SLC2A14: variants seen among roughly 807,000 people sequenced by gnomAD.
SLC2A14 encodes solute carrier family 2, facilitated glucose transporter member 14.
In SLC2A14, 13 loss-of-function variants were observed where a neutral mutation model predicts 43.0. The ratio of observed to expected loss-of-function variants is 0.30; its 90% CI spans 0.20 to 0.48. SLC2A14 has a LOEUF of 0.48. Among genes scored for constraint, SLC2A14 ranks in the 20% least tolerant of loss-of-function variants. SLC2A14 has a pLI of 0.99. For synonymous variants in SLC2A14, 190 were observed against 233.8 expected (o/e 0.81, Z 1.71); for missense variants, 428 against 620.4 (o/e 0.69, Z 3.29).
At chr12:7,830,969 C>G (rs749373856) in intron 4 of SLC2A14, among the ~76,000 whole-genome samples, 4 of 151,726 alleles carry the variant, frequency 2.6e-5, no homozygotes, top group African/African-American at 4.8e-5. Context: ...ACTAAAAATA[C>G]AAAAATTAGC....
chr12:7,867,136 G>A (rs1388980220), intron 2 of SLC2A14, among the ~76,000 whole-genome samples: 1 of 151,904 alleles, frequency 6.6e-6, no homozygotes, highest in African/African-American at 2.4e-5. Context: ...AAAATTAGCC[G>A]GGCGTGGTGG....
intron 2 of SLC2A14, among the ~76,000 whole-genome samples, chr12:7,853,622 CAG>C (rs758944131): frequency 1.8e-4 from 27 of 151,898 alleles, no homozygotes; most frequent in African/African-American, 6.3e-4. Context: ...AGAAAGAAAA[CAG>C]ATGAATTATA....
chr12:7,879,403 CA>C lies in SLC2A14; in HGVS notation c.132+11592del, dbSNP rs1945527971. 1.3e-5 allele frequency among the ~76,000 whole-genome samples: 2 copies of C among 151,504 alleles called. 1 individual carries two copies. Among genetic ancestry groups the C allele is most frequent in the South Asian group, 4.2e-4 (2 of 4,806 alleles). On this transcript the variant is annotated intron_variant, in intron 1 of 9. Coordinates refer to the SLC2A14 transcript ENST00000539924. ...ATGTCTCAACAACAAAAAAAGAGGC[CA>C]GGTGCTATGGCTTATGCCTGTAATC... is the stretch of plus-strand genomic sequence containing the variant.
intron 4 of SLC2A14, chr12:7,831,298 TTAAG>T (rs1865004990): frequency 7.5e-6 from 2 of 267,426 alleles, no homozygotes; most frequent in Non-Finnish European, 1.4e-5. Flanking sequence ...ACCTTGTAAA[TTAAG>T]TATGTTCCTG....
chr12:7,875,073 T>A (rs1945429791), upstream of SLC2A14, among the ~76,000 whole-genome samples: 1 of 120,544 alleles, frequency 8.3e-6, no homozygotes, highest in African/African-American at 3.5e-5. Context: ...TATTAAATAT[T>A]ATATTTAATA....
rs144277688 is a variant in SLC2A14 at position 7,861,559 on chromosome 12, G to A, written c.18+8304C>T. Among the ~76,000 whole-genome samples, 979 of 152,170 alleles carry A rather than the reference G, an allele frequency of 6.4e-3. 28 individuals are homozygous for A. Among genetic ancestry groups the A allele is most frequent in the African/African-American group, 0.022 (932 of 41,502 alleles). ...AGGAGAGCCTGGCCAGTGGATTGCA[G>A]GCTGTATTTCAGCCTCTACTTATCC... On this transcript the variant is annotated intron_variant, in intron 2 of 10. Coordinates refer to ENST00000431042, the MANE Select transcript of SLC2A14 (RefSeq NM_001286234.2).
exon 1 of SLC2A14, chr12:7,891,005 G>T (rs747341980): frequency 1.3e-6 from 2 of 1,534,396 alleles, no homozygotes; most frequent in African/African-American, 1.4e-5. Context: ...CCTCCTCCCC[G>T]ACGCCCCCAT....
intron 1 of SLC2A14, among the ~76,000 whole-genome samples, chr12:7,881,276 G>C (rs1945565614): frequency 6.6e-6 from 1 of 152,074 alleles, no homozygotes; most frequent in East Asian, 1.9e-4. Context: ...GGGAGGTGTG[G>C]AGGGAGAGGC....
upstream of SLC2A14, among the ~76,000 whole-genome samples, chr12:7,874,788 A>AATACGTATTT (rs1218339596): frequency 6.1e-5 from 3 of 48,856 alleles, no homozygotes; most frequent in African/African-American, 2.0e-4. Context: ...TAAATATATA[A>AATACGTATTT]ATATATAAAT....
upstream of SLC2A14, chr12:7,873,254 G>A: frequency 1.0e-6 from 1 of 985,554 alleles, no homozygotes; most frequent in African/African-American, 1.7e-5. Context: ...AAAGATACCC[G>A]AGCCCCTCAC....
intron 6 of SLC2A14, among the ~76,000 whole-genome samples, chr12:7,828,463 G>A (rs1387663573): frequency 6.6e-6 from 1 of 151,558 alleles, no homozygotes; most frequent in Non-Finnish European, 1.5e-5. Context: ...CAGGAGAATC[G>A]CTTAGAACCC....
At chr12:7,873,299 C>T (rs1945340944), upstream of SLC2A14, 1 of 985,594 alleles carries the variant, frequency 1.0e-6, no homozygotes, top group Non-Finnish European at 1.2e-6. Context: ...CGGGCTATCC[C>T]CGCGGGCGGG....
intron 7 of SLC2A14, among the ~76,000 whole-genome samples, chr12:7,826,691 C>A (rs1156538896): frequency 6.6e-6 from 1 of 152,030 alleles, no homozygotes; most frequent in East Asian, 1.9e-4. Flanking sequence ...GGTTACCTGT[C>A]AAATGCTAGC....
At chr12:7,815,634 TG>T (rs1863372955) in intron 10 of SLC2A14, among the ~76,000 whole-genome samples, 1 of 152,160 alleles carries the variant, frequency 6.6e-6, no homozygotes, top group African/African-American at 2.4e-5. Context: ...TGGAGTGCAA[TG>T]GCATGAGCTC....
intron 1 of SLC2A14, among the ~76,000 whole-genome samples, chr12:7,887,701 T>C (rs1945711406): frequency 6.6e-6 from 1 of 152,136 alleles, no homozygotes; most frequent in African/African-American, 2.4e-5. Flanking sequence ...CAAGCTGCAC[T>C]TGACCTTTTC....
chr12:7,848,421 T>C (rs1408334544), intron 2 of SLC2A14, among the ~76,000 whole-genome samples: 1 of 152,096 alleles, frequency 6.6e-6, no homozygotes, highest in Admixed American at 6.6e-5. Context: ...TTCTTTGTTT[T>C]TCTTTTTCCA....
intron 1 of SLC2A14, chr12:7,871,850 T>G: frequency 2.1e-6 from 2 of 971,374 alleles, no homozygotes; most frequent in Non-Finnish European, 2.4e-6. Context: ...CTACACCCTG[T>G]TGAGACACCA....
chr12:7,814,265 G>A lies in SLC2A14; in HGVS notation c.*51C>T. On this transcript the variant is annotated 3_prime_UTR_variant, in exon 11 of 11. Coordinates refer to ENST00000431042, the MANE Select transcript of SLC2A14 (RefSeq NM_001286234.2). ...ATCCTGATAAAGTCTCTCCCTTGTT[G>A]AGGGAGAGGTGGCTTTCCCATGCCG... 2 of 1,481,834 alleles carry A rather than the reference G, an allele frequency of 1.3e-6. No homozygotes were observed. The highest frequency in any genetic ancestry group is 4.5e-5 in the East Asian group (2 of 44,508). 91.8% of individuals were successfully genotyped at this position (1,481,834 alleles called of 1,614,324 possible).
At chr12:7,818,792 G>A (rs984292358) in intron 9 of SLC2A14, among the ~76,000 whole-genome samples, 1 of 151,566 alleles carries the variant, frequency 6.6e-6, no homozygotes, top group African/African-American at 2.4e-5. Flanking sequence ...AAAGTGTTAA[G>A]ATGACAGGAA....
Sources: allele counts gnomAD v4.1 joint callset (sites outside exome capture counted in the v4.1 genomes callset), GRCh38; gene constraint gnomAD v4.1.1; transcripts MANE v1.5; gene names NCBI Gene and HGNC (gene_info 2026-07-23, HGNC 2026-07-21).